The following PEBP4 variants were observed in gnomAD, a reference collection of about 807,000 sequenced individuals.
The protein encoded by PEBP4 is phosphatidylethanolamine binding protein 4.
In PEBP4, 22 loss-of-function variants were observed where a neutral mutation model predicts 23.9. The observed-to-expected ratio is 0.92, with a 90% CI of 0.66 to 1.31. The LOEUF (loss-of-function observed/expected upper bound fraction) is 1.31. PEBP4 is among the 40% of genes most tolerant of loss of function. The pLI, the probability that PEBP4 is intolerant of heterozygous loss-of-function variation, is 0.00. For missense variants in PEBP4, 324 were observed against 281.7 expected (o/e 1.15, Z -1.07); for synonymous variants, 112 against 99.3 (o/e 1.13, Z -0.76).
intron 4 of PEBP4, among the ~76,000 whole-genome samples, 172 bp from the exon 5 acceptor site, chr8:22,727,392 T>A (rs1374377363): frequency 6.6e-6 from 1 of 151,950 alleles, no homozygotes; most frequent in African/African-American, 2.4e-5. Flanking sequence ...GATGTATGGC[T>A]GCTTTTGGGA....
At chr8:22,938,784 C>G (rs1809572695) in intron 1 of PEBP4, among the ~76,000 whole-genome samples, 1 of 152,212 alleles carries the variant, frequency 6.6e-6, no homozygotes, top group South Asian at 2.1e-4. Flanking sequence ...TTTCTGCCTT[C>G]TGCTCTAGTT....
At chr8:22,776,822 G>A (rs571247521) in intron 4 of PEBP4, among the ~76,000 whole-genome samples, 1 of 150,262 alleles carries the variant, frequency 6.7e-6, no homozygotes, top group East Asian at 1.9e-4. Context: ...CATGCCAGCT[G>A]ACTCCTCCTC....
chr8:22,773,972 G>A (rs1805766599), intron 4 of PEBP4, among the ~76,000 whole-genome samples: 1 of 152,140 alleles, frequency 6.6e-6, no homozygotes, highest in Admixed American at 6.5e-5. Context: ...AGAGAGCCCT[G>A]GCTGTCCCAC....
At chr8:22,805,671 C>G (rs528615308) in intron 4 of PEBP4, among the ~76,000 whole-genome samples, 2 of 152,188 alleles carry the variant, frequency 1.3e-5, no homozygotes, top group African/African-American at 4.8e-5. Context: ...ACATACCACT[C>G]TGGTGCCAGA....
intron 4 of PEBP4, among the ~76,000 whole-genome samples, chr8:22,761,534 A>G (rs1169071140): frequency 2.6e-5 from 4 of 152,232 alleles, no homozygotes; most frequent in African/African-American, 9.6e-5. Flanking sequence ...TAGACAACTA[A>G]TTAACATCCA....
chr8:22,804,876 C>T (rs1247166452), intron 4 of PEBP4, among the ~76,000 whole-genome samples: 1 of 152,160 alleles, frequency 6.6e-6, no homozygotes, highest in Non-Finnish European at 1.5e-5. Flanking sequence ...CACCAGTCCC[C>T]ATCTGATTCT....
Position 22,724,945 on chromosome 8 carries a change from G to A in PEBP4, c.415C>T (p.Pro139Ser), listed in dbSNP as rs762565206. The change falls in exon 6 of 7, where the codon CCC becomes TCC. Residue 139 changes from proline (P) to serine (S), a missense_variant. Coordinates refer to ENST00000256404, the MANE Select transcript of PEBP4 (RefSeq NM_144962.3). The part of the protein sequence containing the change: ...QGQELSAYQA[P>S]SPPAHSGFHR... ...AAGCCACTGTGTGCCGGTGGGGAGG[G>A]AGCCTGGTAGGCTATAGGTAGAAGC... 55 of 1,613,352 alleles carry A rather than the reference G, an allele frequency of 3.4e-5. No homozygotes were observed. The highest frequency in any genetic ancestry group is 4.3e-5 in the Non-Finnish European group (51 of 1,179,506).
At chr8:22,792,787 C>A (rs1300547222) in intron 4 of PEBP4, among the ~76,000 whole-genome samples, 3 of 151,238 alleles carry the variant, frequency 2.0e-5, no homozygotes, top group Non-Finnish European at 4.4e-5. Context: ...AGCAGAGAGC[C>A]AGGTATATGT....
intron 3 of PEBP4, among the ~76,000 whole-genome samples, chr8:22,868,451 A>G (rs1355855980): frequency 6.6e-6 from 1 of 152,108 alleles, no homozygotes; most frequent in Admixed American, 6.5e-5. Context: ...GGGTAGAGGT[A>G]GGGGTGGGAG....
intron 4 of PEBP4, among the ~76,000 whole-genome samples, chr8:22,738,396 T>A (rs992359304): frequency 3.3e-5 from 5 of 151,982 alleles, no homozygotes; most frequent in Non-Finnish European, 7.4e-5. Context: ...GGATCCTGGG[T>A]TGGAGAGCAA....
At position 22,755,326 on chromosome 8, in the gene PEBP4, CTTTTTTT is replaced by C. The variant is rs547269095; in HGVS notation, c.358-28113_358-28107del. ...AAATCGTATACTCATTTCTCTCCCT[CTTTTTTT>C]TTTTTTTTTTTTTTTTTTTTGAGAC... On this transcript the variant is annotated intron_variant, in intron 4 of 6. Coordinates refer to ENST00000256404, the MANE Select transcript of PEBP4 (RefSeq NM_144962.3). 9.1e-4 allele frequency among the ~76,000 whole-genome samples: 104 copies of C among 114,614 alleles called. 1 individual carries two copies. The highest frequency in any genetic ancestry group is 2.9e-3 in the African/African-American group (88 of 30,106). 75.2% of individuals were successfully genotyped at this position (114,614 alleles called of 152,430 possible).
intron 4 of PEBP4, among the ~76,000 whole-genome samples, chr8:22,747,171 A>G (rs112758185): frequency 5.9e-5 from 9 of 152,374 alleles, no homozygotes; most frequent in African/African-American, 1.9e-4. Flanking sequence ...CCACAAGTGA[A>G]ATTATTTAAT....
chr8:22,870,187 A>G (rs1252325297), intron 3 of PEBP4, among the ~76,000 whole-genome samples: 1 of 152,252 alleles, frequency 6.6e-6, no homozygotes, highest in East Asian at 1.9e-4. Flanking sequence ...ACTTGGAAGC[A>G]ACCAAAATGT....
chr8:22,871,068 T>C (rs991508629), intron 3 of PEBP4, among the ~76,000 whole-genome samples: 2 of 152,040 alleles, frequency 1.3e-5, no homozygotes, highest in African/African-American at 2.4e-5. Context: ...AATCCCAAAG[T>C]TGGGTGAAGC....
At chr8:22,921,583 A>G (rs1327466544) in intron 2 of PEBP4, among the ~76,000 whole-genome samples, 2 of 152,200 alleles carry the variant, frequency 1.3e-5, no homozygotes, top group Non-Finnish European at 2.9e-5. Context: ...CTGAGCCCCC[A>G]GCACCTGGCA....
chr8:22,914,957 C>T (rs979311268), intron 3 of PEBP4, among the ~76,000 whole-genome samples: 8 of 152,080 alleles, frequency 5.3e-5, no homozygotes, highest in Admixed American at 3.3e-4. Flanking sequence ...TAACAGCATC[C>T]CCCTTTAGTC....
intron 2 of PEBP4, chr8:22,925,407 T>C (rs1809305669): frequency 2.5e-5 from 21 of 830,636 alleles, no homozygotes; most frequent in Non-Finnish European, 2.9e-5. Context: ...GGCTAGATCT[T>C]GGCTCTGCTA....
intron 3 of PEBP4, among the ~76,000 whole-genome samples, chr8:22,845,369 C>CAAAAA (rs34601804): frequency 7.5e-6 from 1 of 133,014 alleles, no homozygotes; most frequent in African/African-American, 2.9e-5. Context: ...CGCATCTCTA[C>CAAAAA]AAAAAAAAAA....
chr8:22,797,253 CAA>C (rs57749113), intron 4 of PEBP4, among the ~76,000 whole-genome samples: 3,053 of 114,276 alleles, frequency 0.027, 77 homozygotes, highest in African/African-American at 0.085. Context: ...AACTCTGTCT[CAA>C]AAAAAAAAAA....
Sources: allele counts gnomAD v4.1 joint callset (sites outside exome capture counted in the v4.1 genomes callset), GRCh38; gene constraint gnomAD v4.1.1; transcripts MANE v1.5; gene names NCBI Gene and HGNC (gene_info 2026-07-23, HGNC 2026-07-21).